The following WDR33 variants were observed in gnomAD, a reference collection of about 807,000 sequenced individuals.
WDR33 encodes the protein pre-mRNA 3' end processing protein WDR33.
Under a neutral mutation model 164.9 loss-of-function variants are expected in WDR33, and 47 were observed. The ratio of observed to expected loss-of-function variants is 0.29; its 90% CI spans 0.23 to 0.36. The LOEUF is 0.36. Ranked by LOEUF, WDR33 falls within the 10% of genes least tolerant of loss-of-function variation. The pLI is 1.00. For missense variants in WDR33, 1,137 were observed against 1,754.1 expected, an observed-to-expected ratio of 0.65 and a Z score of 6.28; for synonymous variants, 505 against 589.0, an observed-to-expected ratio of 0.86 and a Z score of 2.06.
chr2:127,780,216 G>A (rs879260221), intron 1 of WDR33, among the ~76,000 whole-genome samples: 3 of 151,868 alleles, frequency 2.0e-5, no homozygotes, highest in African/African-American at 4.8e-5. Flanking sequence ...CTCGTGATCC[G>A]CCCACCTCGG....
intron 1 of WDR33, among the ~76,000 whole-genome samples, chr2:127,788,292 G>A (rs1338430795): frequency 3.2e-5 from 4 of 126,182 alleles, no homozygotes; most frequent in Non-Finnish European, 5.2e-5. Flanking sequence ...GGCCGGGCGG[G>A]GGGCTGACCC....
intron 1 of WDR33, among the ~76,000 whole-genome samples, chr2:127,801,164 G>T (rs1321579326): frequency 6.6e-6 from 1 of 151,640 alleles, no homozygotes. Flanking sequence ...TACACCTGTT[G>T]TCCCAGCCGC....
At chr2:127,769,379 T>C (rs1419741560) in intron 2 of WDR33, among the ~76,000 whole-genome samples, 1 of 151,890 alleles carries the variant, frequency 6.6e-6, no homozygotes, top group East Asian at 1.9e-4. Flanking sequence ...TGCAGTGAGC[T>C]GAGATGGTGC....
Position 127,705,309 on chromosome 2 carries a change from T to G in WDR33, c.*1014A>C, listed in dbSNP as rs2105367129. On this transcript the variant is annotated 3_prime_UTR_variant, in exon 22 of 22. Transcript: ENST00000322313. The surrounding 1 kb of genome is among the most constrained non-coding windows in gnomAD (Gnocchi z 4.5). ...AAACTGGGCTAAATGGTATGTTTAT[T>G]TTAAACAAGGAATTTGCCATGGACA... 6.1e-6 allele frequency: 1 copy of G among 164,664 alleles called. No individual in the cohort carries two copies. The highest frequency in any genetic ancestry group is 2.4e-5 in the African/African-American group (1 of 41,594). The allele number at this position is 164,664 out of a possible 1,614,324, so 10.2% of individuals were successfully genotyped here.
intron 1 of WDR33, among the ~76,000 whole-genome samples, chr2:127,796,821 TG>T (rs1689058012): frequency 6.6e-6 from 1 of 152,106 alleles, no homozygotes; most frequent in Non-Finnish European, 1.5e-5. Context: ...GTACACATTC[TG>T]GTTGTTTGAA....
intron 7 of WDR33, among the ~76,000 whole-genome samples, chr2:127,753,830 G>A (rs762901843): frequency 6.6e-6 from 1 of 151,858 alleles, no homozygotes; most frequent in East Asian, 1.9e-4. Context: ...AGGAAGGTGA[G>A]ATAAAAACCA....
chr2:127,774,710 G>A (rs1008614668), intron 1 of WDR33, among the ~76,000 whole-genome samples: 4 of 152,022 alleles, frequency 2.6e-5, no homozygotes, highest in Non-Finnish European at 4.4e-5. Context: ...GGCGCCTGTA[G>A]TCCCGGCTAC....
chr2:127,789,886 A>C (rs1409211743), intron 1 of WDR33, among the ~76,000 whole-genome samples: 1 of 152,090 alleles, frequency 6.6e-6, no homozygotes, highest in Non-Finnish European at 1.5e-5. Flanking sequence ...CCCAGGCTGG[A>C]GTGCAGTGGT....
intron 1 of WDR33, among the ~76,000 whole-genome samples, chr2:127,771,378 T>C (rs1340852414): frequency 2.6e-5 from 4 of 152,156 alleles, no homozygotes; most frequent in Admixed American, 6.5e-5. Flanking sequence ...TGTCTAAACA[T>C]AGAAAAAGAC....
intron 1 of WDR33, among the ~76,000 whole-genome samples, chr2:127,793,178 C>A (rs1481417908): frequency 1.3e-5 from 2 of 152,232 alleles, no homozygotes; most frequent in Admixed American, 1.3e-4. Context: ...TGCCTGTAAT[C>A]CTAGCACTTT....
At position 127,707,343 on chromosome 2, in the gene WDR33, C is replaced by G. The variant is rs563970241; in HGVS notation, c.3782-791G>C. On this transcript the variant is annotated intron_variant, in intron 21 of 21. Coordinates refer to ENST00000322313, the MANE Select transcript of WDR33 (RefSeq NM_018383.5). ...GGTCACATCTCCCATAATGCACTCT[C>G]AGAAGATGACTGCAAACTCTCCGCT... is the stretch of plus-strand genomic sequence containing the variant. 4.6e-5 allele frequency among the ~76,000 whole-genome samples: 7 copies of G among 152,156 alleles called. No individual in the cohort carries two copies. The East Asian group carries it at 1.3e-3, about 29-fold the overall frequency.
At position 127,743,441 on chromosome 2, in the gene WDR33, C is replaced by G. The variant is rs114597720; in HGVS notation, c.725-16664G>C. ...TTCATTAACTACCACAAGATTATCA[C>G]TCTTTCTGCAAGGCCCCATTATACT... On this transcript the variant is annotated intron_variant, in intron 7 of 21. Transcript: ENST00000322313. 2.5e-3 allele frequency among the ~76,000 whole-genome samples: 387 copies of G among 152,276 alleles called. 1 individual carries two copies. Among genetic ancestry groups the G allele is most frequent in the African/African-American group, 8.6e-3 (357 of 41,564 alleles).
chr2:127,745,455 C>A (rs1442382268), intron 7 of WDR33, among the ~76,000 whole-genome samples: 1 of 152,136 alleles, frequency 6.6e-6, no homozygotes, highest in Non-Finnish European at 1.5e-5. Flanking sequence ...GTGAAGGTTT[C>A]TCACCCTTAA....
intron 7 of WDR33, among the ~76,000 whole-genome samples, chr2:127,727,925 G>A (rs1325309163): frequency 1.3e-5 from 2 of 152,216 alleles, no homozygotes; most frequent in Non-Finnish European, 2.9e-5. Flanking sequence ...GGCACCGACA[G>A]TGATTTGTAC....
In WDR33 at chr2:127,780,844, T is replaced by C. The variant is rs1406123827; in HGVS notation, c.-23-9840A>G. 3.3e-5 allele frequency among the ~76,000 whole-genome samples: 5 copies of C among 152,098 alleles called. No individual in the cohort carries two copies. The East Asian group carries it at 9.6e-4, about 29-fold the overall frequency. On this transcript the variant is annotated intron_variant, in intron 1 of 21. Transcript: ENST00000322313. ...AGAATGAGACCCTATCTCAAAATAATTAATTTATTAATAGCTTTTTATTTT... is the reference window on the plus strand; with the variant it reads ...AGAATGAGACCCTATCTCAAAATAACTAATTTATTAATAGCTTTTTATTTT...
intron 1 of WDR33, among the ~76,000 whole-genome samples, chr2:127,783,599 CTTT>C (rs35345585): frequency 1.3e-4 from 11 of 84,410 alleles, no homozygotes; most frequent in Non-Finnish European, 6.6e-5. Context: ...TTCAGGACTC[CTTT>C]TTTTTTTTTT....
Position 127,701,777 on chromosome 2 carries a change from C to T in WDR33, c.*4546G>A, listed in dbSNP as rs1685890532. The T allele has an allele frequency of 7.0e-7, 1 of 1,430,088 alleles. No homozygotes were observed. Among genetic ancestry groups the T allele is most frequent in the Non-Finnish European group, 9.2e-7 (1 of 1,091,960 alleles). The allele number at this position is 1,430,088 out of a possible 1,614,324, so 88.6% of individuals were successfully genotyped here. A position where few individuals can be genotyped will look rare whatever the true frequency, so the allele number is the denominator to read the frequency against. On this transcript the variant is annotated 3_prime_UTR_variant, in exon 22 of 22. Coordinates refer to ENST00000322313, the MANE Select transcript of WDR33 (RefSeq NM_018383.5). The stretch of plus-strand genomic sequence containing the variant: ...AGCGGCTGGCGGCGGGCGGCGGGTG[C>T]CTGCTGCTGGCTGCACTGTGTTTCG...
rs1686220698 is a variant in WDR33 at position 127,713,191 on chromosome 2, T to A, written c.3308+392A>T. ...TAAGTTTGTTAAGATTATTGGGCAATTACACAAAAATTGTATCTATTTCAC... is the reference window on the plus strand; with the variant it reads ...TAAGTTTGTTAAGATTATTGGGCAAATACACAAAAATTGTATCTATTTCAC... On this transcript the variant is annotated intron_variant, in intron 18 of 21. Coordinates refer to ENST00000322313, the MANE Select transcript of WDR33 (RefSeq NM_018383.5). The surrounding 1 kb of genome is among the most constrained non-coding windows in gnomAD (Gnocchi z 6.2). Among the ~76,000 whole-genome samples, 1 of 152,158 alleles carries A rather than the reference T, an allele frequency of 6.6e-6. No homozygotes were observed. The highest frequency in any genetic ancestry group is 6.5e-5 in the Admixed American group (1 of 15,284).
intron 7 of WDR33, among the ~76,000 whole-genome samples, chr2:127,744,108 C>T (rs1225912426): frequency 6.6e-6 from 1 of 152,110 alleles, no homozygotes; most frequent in Admixed American, 6.5e-5. Flanking sequence ...AAATGTTAAT[C>T]CTGTGTTATT....
Sources: gnomAD v4.1 joint callset for allele counts (sites outside exome capture counted in the v4.1 genomes callset) on GRCh38, gnomAD v4.1.1 for gene constraint, Gnocchi (gnomAD v3.1) non-coding constraint, MANE v1.5 for transcripts, NCBI Gene and HGNC (gene_info 2026-07-23, HGNC 2026-07-21) for gene names.